TBC1D8: variants seen among roughly 807,000 people sequenced by gnomAD.
The protein encoded by TBC1D8 is TBC1 domain family member 8.
A neutral mutation model predicts 118.8 loss-of-function variants in TBC1D8; 65 were observed. The observed-to-expected ratio is 0.55, with a 90% CI of 0.45 to 0.67. TBC1D8 has a LOEUF of 0.67. TBC1D8 is among the 30% of genes least tolerant of loss of function. The pLI, the probability that TBC1D8 is intolerant of heterozygous loss-of-function variation, is 0.00. For synonymous variants in TBC1D8, 566 were observed against 595.8 expected (o/e 0.95, Z 0.73); for missense variants, 1,376 against 1,471.2 (o/e 0.94, Z 1.06).
chr2:101,072,510 T>C (rs1395484341), intron 2 of TBC1D8, among the ~76,000 whole-genome samples: 1 of 152,098 alleles, frequency 6.6e-6, no homozygotes, highest in African/African-American at 2.4e-5. Flanking sequence ...GTCCCCAAAC[T>C]TTCTGGCACC....
In TBC1D8 at chr2:101,057,299, A is replaced by G. The variant is rs145430867; in HGVS notation, c.402+2122T>C. On this transcript the variant is annotated intron_variant, in intron 3 of 19. Transcript: ENST00000409318. The stretch of plus-strand genomic sequence containing the variant: ...TCTTGACCCTCCCAAGTCCAGAAAC[A>G]GCCCTGAGAGGAATCTACATAACAA... 3.6e-3 allele frequency among the ~76,000 whole-genome samples: 552 copies of G among 152,338 alleles called. 2 individuals are homozygous for G. Among genetic ancestry groups the G allele is most frequent in the South Asian group, 0.015 (73 of 4,830 alleles).
chr2:101,142,187 C>T (rs1679133521), intron 1 of TBC1D8, among the ~76,000 whole-genome samples: 1 of 152,060 alleles, frequency 6.6e-6, no homozygotes, highest in Non-Finnish European at 1.5e-5. Flanking sequence ...TAGGCATGCA[C>T]CACCATGCTC....
intron 2 of TBC1D8, among the ~76,000 whole-genome samples, chr2:101,073,317 T>C (rs905397220): frequency 8.7e-5 from 13 of 149,116 alleles, no homozygotes; most frequent in African/African-American, 3.0e-4. Context: ...TTTTTGGAGA[T>C]GGAGTCTTGC....
In TBC1D8 at chr2:101,091,335, A is replaced by C. The variant is rs141538962; in HGVS notation, c.128-971T>G. On this transcript the variant is annotated intron_variant, in intron 1 of 19. Coordinates refer to ENST00000409318, the MANE Select transcript of TBC1D8 (RefSeq NM_001330348.2). ...CTATCAAAGTCTTTTACAGACCATA[A>C]AGCACGAAATGTGAGTGCAGGATTA... 1.7e-3 allele frequency among the ~76,000 whole-genome samples: 256 copies of C among 152,282 alleles called. 3 individuals are homozygous for C. The highest frequency in any genetic ancestry group is 3.7e-3 in the East Asian group (19 of 5,184).
At chr2:101,142,287 C>T (rs757214648) in intron 1 of TBC1D8, among the ~76,000 whole-genome samples, 1 of 152,168 alleles carries the variant, frequency 6.6e-6, no homozygotes, top group Non-Finnish European at 1.5e-5. Context: ...AGTCCCAGTT[C>T]TCCGTCAGAA....
chr2:101,127,087 A>G (rs1157553682), intron 1 of TBC1D8, among the ~76,000 whole-genome samples: 1 of 152,198 alleles, frequency 6.6e-6, no homozygotes, highest in Non-Finnish European at 1.5e-5. Context: ...CTGTAATTCC[A>G]GCACTCTGGG....
In TBC1D8 at chr2:101,057,623, C is replaced by T. The variant is rs149218061; in HGVS notation, c.402+1798G>A. ...GGAGGATTGCTTGAGCCCAGGAGTT[C>T]GATCAGCTTGGGCAACATAATGAGA... On this transcript the variant is annotated intron_variant, in intron 3 of 19. Coordinates refer to ENST00000409318, the MANE Select transcript of TBC1D8 (RefSeq NM_001330348.2). Among the ~76,000 whole-genome samples, 346 of 152,266 alleles carry T rather than the reference C, an allele frequency of 2.3e-3. 2 individuals carry two copies. Among genetic ancestry groups the T allele is most frequent in the African/African-American group, 7.9e-3 (330 of 41,546 alleles).
At chr2:101,068,005 A>T (rs1041338899) in intron 2 of TBC1D8, among the ~76,000 whole-genome samples, 2 of 152,206 alleles carry the variant, frequency 1.3e-5, no homozygotes, top group African/African-American at 4.8e-5. Flanking sequence ...TTCTTTGCTC[A>T]TCAGTAAGAA....
intron 1 of TBC1D8, among the ~76,000 whole-genome samples, chr2:101,103,433 C>A (rs1243455561): frequency 6.6e-6 from 1 of 150,536 alleles, no homozygotes; most frequent in Non-Finnish European, 1.5e-5. Context: ...ACTCTGCTGC[C>A]TAGGCTGGAA....
intron 3 of TBC1D8, among the ~76,000 whole-genome samples, chr2:101,054,672 C>CTTTTCTT (rs1682299347): frequency 3.9e-5 from 1 of 25,436 alleles, no homozygotes; most frequent in African/African-American, 2.8e-4. Context: ...CTTTTCTTTT[C>CTTTTCTT]TTTTTTTTTT....
chr2:101,041,571 A>C (rs1264104730), intron 5 of TBC1D8, among the ~76,000 whole-genome samples: 1 of 152,138 alleles, frequency 6.6e-6, no homozygotes, highest in Non-Finnish European at 1.5e-5. Flanking sequence ...TCATGGGTAC[A>C]TGGTTTCTTT....
Position 101,052,711 on chromosome 2 carries a change from C to T in TBC1D8, c.631+1397G>A, listed in dbSNP as rs116975847. On this transcript the variant is annotated intron_variant, in intron 4 of 19. Transcript: ENST00000409318. ...CCTATTTTTTCCAAATCTTATCCTC[C>T]TAACACAATAAGGTTTAGTGACAAT... 3.0e-4 allele frequency among the ~76,000 whole-genome samples: 46 copies of T among 152,204 alleles called. No individual in the cohort carries two copies. The South Asian group carries it at 4.2e-3, about 14-fold the overall frequency.
At chr2:101,082,615 C>A (rs1675337436) in intron 2 of TBC1D8, among the ~76,000 whole-genome samples, 1 of 152,186 alleles carries the variant, frequency 6.6e-6, no homozygotes, top group Non-Finnish European at 1.5e-5. Context: ...CTTTCTGACA[C>A]CCACTGCAAC....
intron 1 of TBC1D8, among the ~76,000 whole-genome samples, chr2:101,130,768 C>A (rs1425356057): frequency 6.6e-6 from 1 of 152,206 alleles, no homozygotes; most frequent in African/African-American, 2.4e-5. Flanking sequence ...TTCACTGCTA[C>A]ATCCAGGTGC....
rs781732855 is a variant in TBC1D8 at position 101,027,403 on chromosome 2, C to G, written c.2500G>C (p.Glu834Gln). 6.2e-7 allele frequency: 1 copy of G among 1,613,284 alleles called. No individual in the cohort carries two copies. The highest frequency in any genetic ancestry group is 8.5e-7 in the Non-Finnish European group (1 of 1,179,368). ...CGTACCTTGAATAAGTCGTAGAGCT[C>G]CTCTAGGTCTTCAGGAAGAATTGAG... ...EVSILPEDLE[E>Q]LYDLFKREHM... The change falls in exon 15 of 20, where the codon GAG (glutamate) becomes CAG (glutamine). Residue 834 changes from glutamate to glutamine, a missense_variant. Physicochemically the swap from Glu to Gln is conservative, Grantham distance 29. Transcript: ENST00000409318.
At chr2:101,116,028 T>C (rs926594825) in intron 1 of TBC1D8, among the ~76,000 whole-genome samples, 3 of 152,198 alleles carry the variant, frequency 2.0e-5, no homozygotes, top group African/African-American at 7.2e-5. Context: ...CTCCTCTTAA[T>C]TCCATTTAAA....
chr2:101,091,239 C>T lies in TBC1D8; in HGVS notation c.128-875G>A, dbSNP rs1366881455. On this transcript the variant is annotated intron_variant, in intron 1 of 19. Coordinates refer to ENST00000409318, the MANE Select transcript of TBC1D8 (RefSeq NM_001330348.2). Reference sequence around the variant, plus strand: ...GGTGGAGGTTGCAGCAAGCTGAGATCGCACCATTGCACTCCAGCCTGGGCA... The same window carrying T: ...GGTGGAGGTTGCAGCAAGCTGAGATTGCACCATTGCACTCCAGCCTGGGCA... Among the ~76,000 whole-genome samples, 5 of 151,952 alleles carry T rather than the reference C, an allele frequency of 3.3e-5. No homozygotes were observed. In the East Asian group the frequency reaches 7.8e-4, roughly 24 times the overall value.
At chr2:101,148,703 T>A (rs1483862685) in intron 1 of TBC1D8, among the ~76,000 whole-genome samples, 1 of 152,188 alleles carries the variant, frequency 6.6e-6, no homozygotes, top group African/African-American at 2.4e-5. Flanking sequence ...AAAGAGATGT[T>A]TATTGATTAC....
chr2:101,037,524 T>TC lies in TBC1D8; in HGVS notation c.1452+7dup. 6.2e-7 allele frequency: 1 copy of TC among 1,611,118 alleles called. No individual in the cohort carries two copies. The highest frequency in any genetic ancestry group is 2.2e-5 in the East Asian group (1 of 44,872). On this transcript the variant is annotated splice_region_variant and intron_variant, in intron 8 of 19. Coordinates refer to ENST00000409318, the MANE Select transcript of TBC1D8 (RefSeq NM_001330348.2). ...TGTGGTCCAGCTTGGGCACCAGGCG[T>TC]CACCCACCATTCGGGAGTCAGGGCT... is the stretch of plus-strand genomic sequence containing the variant.
Sources: allele counts gnomAD v4.1 joint callset (sites outside exome capture counted in the v4.1 genomes callset), GRCh38; gene constraint gnomAD v4.1.1; transcripts MANE v1.5; gene names NCBI Gene and HGNC (gene_info 2026-07-23, HGNC 2026-07-21).